AGBL4: variants seen among roughly 807,000 people sequenced by gnomAD.
AGBL4 encodes the protein AGBL carboxypeptidase 4, also known as cytosolic carboxypeptidase 6.
Under a neutral mutation model 66.4 loss-of-function variants are expected in AGBL4, and 58 were observed. The ratio of observed to expected loss-of-function variants is 0.87; its 90% CI spans 0.71 to 1.09. AGBL4 has a LOEUF of 1.09. AGBL4 is among the 50% of genes least tolerant of loss of function. The pLI, the probability that AGBL4 is intolerant of heterozygous loss-of-function variation, is 0.00. For synonymous variants in AGBL4, 234 were observed against 222.9 expected (o/e 1.05, Z -0.44); for missense variants, 579 against 631.0 (o/e 0.92, Z 0.88).
intron 3 of AGBL4, among the ~76,000 whole-genome samples, chr1:49,562,712 C>T (rs1383964562): frequency 1.3e-5 from 2 of 151,994 alleles, no homozygotes; most frequent in Non-Finnish European, 2.9e-5. Flanking sequence ...GTTACTGTGG[C>T]CTTGTAGTAT....
intron 3 of AGBL4, among the ~76,000 whole-genome samples, chr1:49,573,061 A>G (rs1644362910): frequency 6.6e-6 from 1 of 152,048 alleles, no homozygotes; most frequent in Admixed American, 6.6e-5. Flanking sequence ...AAGCCTACAC[A>G]CAAGTTATTA....
intron 10 of AGBL4, among the ~76,000 whole-genome samples, chr1:48,588,627 G>A (rs1287577374): frequency 2.0e-5 from 3 of 148,502 alleles, no homozygotes; most frequent in Non-Finnish European, 4.5e-5. Context: ...TACAAGAAAG[G>A]CACAGAAAGA....
intron 5 of AGBL4, among the ~76,000 whole-genome samples, chr1:48,885,269 A>G (rs1343427): frequency 0.5 from 76,556 of 152,144 alleles, 22,257 homozygotes; most frequent in Non-Finnish European, 0.67. Context: ...TATTTATTGG[A>G]ACACAGTTAC....
At chr1:49,478,607 A>AG (rs1201374184) in intron 3 of AGBL4, among the ~76,000 whole-genome samples, 1 of 152,030 alleles carries the variant, frequency 6.6e-6, no homozygotes. Context: ...TACTTCAGTC[A>AG]GAAAAAAAAG....
At chr1:50,006,894 T>G (rs561175309) in intron 1 of AGBL4, among the ~76,000 whole-genome samples, 2 of 152,186 alleles carry the variant, frequency 1.3e-5, no homozygotes, top group African/African-American at 4.8e-5. Flanking sequence ...CAAAACTCAC[T>G]GGTAATAGTA....
chr1:48,718,262 G>A (rs1326691754), intron 6 of AGBL4, among the ~76,000 whole-genome samples: 1 of 152,128 alleles, frequency 6.6e-6, no homozygotes, highest in East Asian at 1.9e-4. Flanking sequence ...CTGAAGGGCA[G>A]CCCCACCCTG....
intron 4 of AGBL4, among the ~76,000 whole-genome samples, chr1:49,125,757 G>T (rs1249800791): frequency 1.3e-5 from 2 of 151,950 alleles, no homozygotes; most frequent in African/African-American, 4.8e-5. Context: ...GCTCAGAGAG[G>T]GTAGATGACT....
At chr1:49,257,077 G>A (rs554106474) in intron 3 of AGBL4, among the ~76,000 whole-genome samples, 1 of 148,672 alleles carries the variant, frequency 6.7e-6, no homozygotes, top group South Asian at 2.1e-4. Flanking sequence ...CATTAATTAT[G>A]AAGGAAAAGA....
chr1:49,790,030 A>T (rs1181015515), intron 2 of AGBL4, among the ~76,000 whole-genome samples: 1 of 152,148 alleles, frequency 6.6e-6, no homozygotes, highest in Admixed American at 6.5e-5. Flanking sequence ...AACGCCACAC[A>T]TCTACAACCA....
At chr1:49,012,634 A>G (rs1379704270) in intron 5 of AGBL4, among the ~76,000 whole-genome samples, 1 of 152,250 alleles carries the variant, frequency 6.6e-6, no homozygotes, top group Non-Finnish European at 1.5e-5. Context: ...CATGTTATCC[A>G]TAAGCAGGAA....
At chr1:49,674,597 C>CAT (rs1480847621) in intron 3 of AGBL4, among the ~76,000 whole-genome samples, 1 of 147,982 alleles carries the variant, frequency 6.8e-6, no homozygotes, top group African/African-American at 2.5e-5. Context: ...CACACACACA[C>CAT]ACATATGTTT....
chr1:49,097,792 G>C (rs1452119815), intron 4 of AGBL4, among the ~76,000 whole-genome samples: 2 of 152,208 alleles, frequency 1.3e-5, no homozygotes, highest in African/African-American at 2.4e-5. Flanking sequence ...TGTTGGCCAG[G>C]CTGGTCTGAA....
chr1:49,684,474 C>T (rs1036734022), intron 3 of AGBL4, among the ~76,000 whole-genome samples: 10 of 152,046 alleles, frequency 6.6e-5, no homozygotes, highest in Non-Finnish European at 1.3e-4. Flanking sequence ...TAAAAAACCA[C>T]ACACTAAGGG....
At chr1:49,652,335 C>T (rs970086544) in intron 3 of AGBL4, among the ~76,000 whole-genome samples, 13 of 152,108 alleles carry the variant, frequency 8.5e-5, no homozygotes, top group African/African-American at 3.1e-4. Context: ...CATCCAAATA[C>T]AAGAAATATA....
rs149051854 is a variant in AGBL4 at position 48,908,523 on chromosome 1, A to G, written c.595-41293T>C. Among the ~76,000 whole-genome samples, 71 of 152,330 alleles carry G rather than the reference A, an allele frequency of 4.7e-4. 1 individual carries two copies. The South Asian group carries it at 9.7e-3, about 21-fold the overall frequency. On this transcript the variant is annotated intron_variant, in intron 5 of 13. Transcript: ENST00000371839. Reference sequence around the variant, plus strand: ...ATGTCTTGTTTATTCCAAATTATCTATGGGTTTATGGAAGTAAGAATATTT... The same window carrying G: ...ATGTCTTGTTTATTCCAAATTATCTGTGGGTTTATGGAAGTAAGAATATTT...
chr1:49,627,644 TG>T (rs1645490221), intron 3 of AGBL4, among the ~76,000 whole-genome samples: 1 of 152,214 alleles, frequency 6.6e-6, no homozygotes, highest in African/African-American at 2.4e-5. Context: ...CTCATTTTTT[TG>T]TTAACCACCC....
chr1:48,522,896 A>G, the AGBL4 span, among the ~76,000 whole-genome samples: 3 of 149,966 alleles, frequency 2.0e-5, no homozygotes, highest in Admixed American at 2.0e-4. Flanking sequence ...ACTGCGCTCC[A>G]GCCTGGGCGA....
At position 49,590,776 on chromosome 1, in the gene AGBL4, A is replaced by G. The variant is rs144655655; in HGVS notation, c.282+106537T>C. ...CTAATTAAGAGAAAAATATGCATTA[A>G]ATAATTAGTGAAATTTAACTCTTAG... is the stretch of plus-strand genomic sequence containing the variant. On this transcript the variant is annotated intron_variant, in intron 3 of 13. Coordinates refer to ENST00000371839, the MANE Select transcript of AGBL4 (RefSeq NM_032785.4). Among the ~76,000 whole-genome samples the G allele has an allele frequency of 2.0e-5, 3 of 152,188 alleles. No individual in the cohort carries two copies. The East Asian group carries it at 5.8e-4, about 29-fold the overall frequency.
chr1:49,842,393 A>G, intron 2 of AGBL4: 1 of 656,830 alleles, frequency 1.5e-6, no homozygotes, highest in Non-Finnish European at 2.2e-6. Context: ...CCCAGGTGAG[A>G]TGGGAGCCCT....
Sources: gnomAD v4.1 joint callset for allele counts (sites outside exome capture counted in the v4.1 genomes callset) on GRCh38, gnomAD v4.1.1 for gene constraint, MANE v1.5 for transcripts, NCBI Gene and HGNC (gene_info 2026-07-23, HGNC 2026-07-21) for gene names.